ADK: variants seen among roughly 807,000 people sequenced by gnomAD.
ADK encodes the protein adenosine kinase.
Under a neutral mutation model 44.7 loss-of-function variants are expected in ADK, and 24 were observed. The ratio of observed to expected loss-of-function variants is 0.54; its 90% CI spans 0.39 to 0.76. The LOEUF is 0.76. ADK is among the 30% of genes least tolerant of loss of function. ADK has a pLI of 0.00. For missense variants in ADK, 321 were observed against 425.1 expected (o/e 0.76, Z 2.15); for synonymous variants, 128 against 142.6 (o/e 0.90, Z 0.73).
At chr10:74,563,776 A>C (rs1166845811) in intron 7 of ADK, among the ~76,000 whole-genome samples, 4 of 152,224 alleles carry the variant, frequency 2.6e-5, no homozygotes, top group African/African-American at 4.8e-5. Flanking sequence ...GTGTTAGTGG[A>C]TACTGTTGTA....
chr10:74,363,426 G>C (rs1416441540), intron 4 of ADK, among the ~76,000 whole-genome samples: 1 of 152,174 alleles, frequency 6.6e-6, no homozygotes, highest in Non-Finnish European at 1.5e-5. Flanking sequence ...ACCACCCTGG[G>C]ATCTGCTGTT....
rs1234911716 is a variant in ADK at position 74,532,444 on chromosome 10, C to CGCCA, written c.726+7022_726+7025dup. On this transcript the variant is annotated intron_variant, in intron 7 of 10. Transcript: ENST00000539909. ...AGTGAGCCAAGATCATGCCACCACA[C>CGCCA]GCCAGCCTGGGCAACAGGGTGAAAC... 2.7e-5 allele frequency among the ~76,000 whole-genome samples: 4 copies of CGCCA among 147,288 alleles called. No homozygotes were observed. The Admixed American group carries it at 2.7e-4, about 10-fold the overall frequency.
chr10:74,308,726 T>G (rs1840336475), intron 3 of ADK, among the ~76,000 whole-genome samples: 2 of 152,220 alleles, frequency 1.3e-5, no homozygotes, highest in South Asian at 4.1e-4. Context: ...TGTCCTATTC[T>G]TCATACATCA....
intron 9 of ADK, among the ~76,000 whole-genome samples, chr10:74,665,886 C>G (rs1854939202): frequency 6.6e-6 from 1 of 152,076 alleles, no homozygotes; most frequent in Non-Finnish European, 1.5e-5. Context: ...GCTGGATCAC[C>G]TTCACTTGTA....
chr10:74,177,734 T>C (rs1175913182), intron 1 of ADK, among the ~76,000 whole-genome samples: 5 of 151,934 alleles, frequency 3.3e-5, no homozygotes, highest in Admixed American at 3.3e-4. Flanking sequence ...AGCACAAAAA[T>C]GTGAAGAGAA....
chr10:74,335,971 G>A (rs1841396648), intron 4 of ADK, among the ~76,000 whole-genome samples: 1 of 152,014 alleles, frequency 6.6e-6, no homozygotes, highest in Non-Finnish European at 1.5e-5. Flanking sequence ...CTAGTGAGTG[G>A]CTTGTGTTTT....
At chr10:74,427,649 G>T (rs897980307) in intron 6 of ADK, among the ~76,000 whole-genome samples, 20 of 152,122 alleles carry the variant, frequency 1.3e-4, no homozygotes, top group African/African-American at 4.8e-4. Context: ...GATTGGAGGT[G>T]TCTGTGTACA....
At chr10:74,332,483 A>G (rs182055846) in intron 4 of ADK, among the ~76,000 whole-genome samples, 26 of 152,330 alleles carry the variant, frequency 1.7e-4, no homozygotes, top group Admixed American at 1.6e-3. Context: ...TTTGGAGACT[A>G]GTATAATTAT....
intron 4 of ADK, chr10:74,371,812 C>G: frequency 8.0e-7 from 1 of 1,244,384 alleles, no homozygotes; most frequent in Non-Finnish European, 1.2e-6. Flanking sequence ...TTTGCTGCTG[C>G]CACTGGAGCC....
chr10:74,401,871 G>T (rs936076805), intron 6 of ADK, among the ~76,000 whole-genome samples: 2 of 152,140 alleles, frequency 1.3e-5, no homozygotes, highest in Non-Finnish European at 2.9e-5. Flanking sequence ...TTTTGCAGTG[G>T]CTGGTACCCG....
intron 5 of ADK, among the ~76,000 whole-genome samples, chr10:74,396,018 A>AAG (rs1042610573): frequency 2.0e-5 from 3 of 151,786 alleles, no homozygotes; most frequent in African/African-American, 7.2e-5. Flanking sequence ...CTCAAAACCA[A>AAG]AGAGAGAGAG....
intron 6 of ADK, among the ~76,000 whole-genome samples, chr10:74,475,832 G>A (rs1007721001): frequency 3.4e-5 from 5 of 148,378 alleles, no homozygotes; most frequent in Non-Finnish European, 7.5e-5. Flanking sequence ...GAGAGGGAGG[G>A]AGGGAGGGAA....
chr10:74,208,041 G>T (rs539716073), intron 2 of ADK, among the ~76,000 whole-genome samples: 1 of 152,358 alleles, frequency 6.6e-6, no homozygotes, highest in South Asian at 2.1e-4. Flanking sequence ...GCTGCCCCGA[G>T]CACATGCACA....
intron 9 of ADK, among the ~76,000 whole-genome samples, chr10:74,613,568 G>C (rs1308712934): frequency 1.3e-5 from 2 of 151,878 alleles, no homozygotes; most frequent in African/African-American, 4.8e-5. Context: ...TAAGTAAATG[G>C]GGTTATTGAC....
intron 6 of ADK, among the ~76,000 whole-genome samples, chr10:74,406,048 A>G (rs1843911693): frequency 6.6e-6 from 1 of 152,190 alleles, no homozygotes; most frequent in Non-Finnish European, 1.5e-5. Flanking sequence ...ACTGGCATCT[A>G]CTACAGTTCT....
chr10:74,650,625 G>T (rs1410347797), intron 9 of ADK, among the ~76,000 whole-genome samples: 1 of 152,082 alleles, frequency 6.6e-6, no homozygotes, highest in Non-Finnish European at 1.5e-5. Context: ...GCATTACTTT[G>T]TTTTTTCCAA....
intron 1 of ADK, among the ~76,000 whole-genome samples, chr10:74,187,796 T>G (rs77270690): frequency 0.026 from 3,917 of 152,300 alleles, 69 homozygotes; most frequent in African/African-American, 0.031. Context: ...TGCTATCATG[T>G]AAGGGTTTCT....
chr10:74,697,038 T>C (rs1856234369), intron 10 of ADK, among the ~76,000 whole-genome samples: 1 of 152,202 alleles, frequency 6.6e-6, no homozygotes, highest in Non-Finnish European at 1.5e-5. Context: ...TTAAATTTAG[T>C]GTAAAATGAG....
At chr10:74,268,474 C>T (rs1427794060) in intron 3 of ADK, among the ~76,000 whole-genome samples, 1 of 151,776 alleles carries the variant, frequency 6.6e-6, no homozygotes, top group Non-Finnish European at 1.5e-5. Flanking sequence ...AGTCCATTTC[C>T]TCACTGGCAA....
Sources: allele counts gnomAD v4.1 joint callset (sites outside exome capture counted in the v4.1 genomes callset), GRCh38; gene constraint gnomAD v4.1.1; transcripts MANE v1.5; gene names NCBI Gene and HGNC (gene_info 2026-07-23, HGNC 2026-07-21).